The following CRYL1 variants were observed in gnomAD, a reference collection of about 807,000 sequenced individuals.
The protein encoded by CRYL1 is crystallin lambda 1, also known as lambda-crystallin homolog.
Under a neutral mutation model 36.6 loss-of-function variants are expected in CRYL1, and 29 were observed. The observed-to-expected ratio is 0.79, with a 90% CI of 0.59 to 1.08. The LOEUF (loss-of-function observed/expected upper bound fraction) is 1.08, where lower values mean the gene tolerates loss of function less well. CRYL1 is among the 50% of genes least tolerant of loss of function. The pLI, the probability that CRYL1 is intolerant of heterozygous loss-of-function variation, is 0.00. For synonymous variants in CRYL1, 152 were observed against 151.5 expected, an observed-to-expected ratio of 1.00 and a Z score of -0.02; for missense variants, 411 against 407.9, an observed-to-expected ratio of 1.01 and a Z score of -0.06.
rs1246505276 is a variant in CRYL1 at position 20,415,503 on chromosome 13, G to C, written c.634-2116C>G. On this transcript the variant is annotated intron_variant, in intron 5 of 7. Coordinates refer to ENST00000298248, the MANE Select transcript of CRYL1 (RefSeq NM_015974.3). This position sits in a 1 kb window ranked among gnomAD's most constrained non-coding sequence, Gnocchi z 4.1. Reference sequence around the variant, plus strand: ...AGCAGGCGGCCTGGCCCAGGAGCCAGGACGGCCACAGCCACGCCACCACCG... The same window carrying C: ...AGCAGGCGGCCTGGCCCAGGAGCCACGACGGCCACAGCCACGCCACCACCG... Among the ~76,000 whole-genome samples the C allele has an allele frequency of 1.3e-5, 2 of 152,216 alleles. No individual in the cohort carries two copies. Among genetic ancestry groups the C allele is most frequent in the Non-Finnish European group, 2.9e-5 (2 of 68,026 alleles).
intron 5 of CRYL1, chr13:20,431,150 G>C: frequency 1.0e-6 from 1 of 985,388 alleles, no homozygotes; most frequent in African/African-American, 1.7e-5. Context: ...TGCCTGGTTT[G>C]GAAGAACTGC....
At chr13:20,517,961 TGC>T (rs2034032504) in intron 1 of CRYL1, among the ~76,000 whole-genome samples, 1 of 120,864 alleles carries the variant, frequency 8.3e-6, no homozygotes, top group Non-Finnish European at 1.8e-5. Flanking sequence ...AAAAAAGCAA[TGC>T]TAGTGAGCAG....
At chr13:20,473,892 T>C (rs913924689) in intron 3 of CRYL1, among the ~76,000 whole-genome samples, 2 of 152,116 alleles carry the variant, frequency 1.3e-5, no homozygotes, top group East Asian at 3.8e-4. Flanking sequence ...GTGAATCGGG[T>C]ATAAGTAACA....
At chr13:20,426,817 G>T in intron 5 of CRYL1, 1 of 985,440 alleles carries the variant, frequency 1.0e-6, no homozygotes, top group Non-Finnish European at 1.2e-6. Flanking sequence ...GAATCTCAGG[G>T]CCCCATCCAG....
intron 3 of CRYL1, among the ~76,000 whole-genome samples, chr13:20,471,325 C>A (rs1243490400): frequency 6.6e-6 from 1 of 152,122 alleles, no homozygotes; most frequent in African/African-American, 2.4e-5. Flanking sequence ...GTAATCCCAG[C>A]ACTTTGGGAG....
intron 6 of CRYL1, among the ~76,000 whole-genome samples, chr13:20,408,187 A>T (rs2031425686): frequency 6.6e-6 from 1 of 152,148 alleles, no homozygotes; most frequent in African/African-American, 2.4e-5. Context: ...TGCCCAGGGT[A>T]GGGGAGGCAG....
At chr13:20,490,210 G>C (rs1480238273) in intron 2 of CRYL1, among the ~76,000 whole-genome samples, 1 of 152,172 alleles carries the variant, frequency 6.6e-6, no homozygotes, top group Non-Finnish European at 1.5e-5. Flanking sequence ...GGCCAGCATG[G>C]TGAAACCTCA....
rs192443204 is a variant in CRYL1 at position 20,487,579 on chromosome 13, A to C, written c.276+1791T>G. On this transcript the variant is annotated intron_variant, in intron 3 of 7. Coordinates refer to ENST00000298248, the MANE Select transcript of CRYL1 (RefSeq NM_015974.3). ...ATATTATAATAATAGATCACTTATTAATATTTCAATCACATTATATAACTA... is the reference window on the plus strand; with the variant it reads ...ATATTATAATAATAGATCACTTATTCATATTTCAATCACATTATATAACTA... Among the ~76,000 whole-genome samples, 39 of 152,352 alleles carry C rather than the reference A, an allele frequency of 2.6e-4. No homozygotes were observed. The East Asian group carries it at 6.7e-3, about 26-fold the overall frequency.
chr13:20,518,995 G>A (rs1368380899), intron 1 of CRYL1, among the ~76,000 whole-genome samples: 1 of 152,190 alleles, frequency 6.6e-6, no homozygotes, highest in Non-Finnish European at 1.5e-5. Context: ...TGTTTTCAGT[G>A]AGAAATGCTA....
chr13:20,420,694 A>C, intron 5 of CRYL1, among the ~76,000 whole-genome samples: 1 of 47,596 alleles, frequency 2.1e-5, no homozygotes, highest in Non-Finnish European at 5.0e-5. Flanking sequence ...TTTCTTTAAA[A>C]TAGAGGTTGT....
chr13:20,450,857 T>C (rs530584101), intron 3 of CRYL1, among the ~76,000 whole-genome samples: 90 of 152,128 alleles, frequency 5.9e-4, no homozygotes, highest in African/African-American at 2.1e-3. Context: ...GTGGCACATA[T>C]ACACCATGGA....
chr13:20,484,931 G>C (rs987564127), intron 3 of CRYL1, among the ~76,000 whole-genome samples: 7 of 152,124 alleles, frequency 4.6e-5, no homozygotes, highest in Non-Finnish European at 1.0e-4. Context: ...AAACATGTGG[G>C]GCAGCATTAG....
At chr13:20,414,134 C>A (rs1250619870) in intron 5 of CRYL1, among the ~76,000 whole-genome samples, 1 of 151,974 alleles carries the variant, frequency 6.6e-6, no homozygotes, top group Non-Finnish European at 1.5e-5. Context: ...GAGATCATGC[C>A]ACTGCACTCC....
At chr13:20,507,287 C>T (rs527834907) in intron 2 of CRYL1, among the ~76,000 whole-genome samples, 11 of 152,194 alleles carry the variant, frequency 7.2e-5, no homozygotes, top group African/African-American at 1.7e-4. Flanking sequence ...GAACAAAGTT[C>T]GATGTTAATC....
At position 20,439,540 on chromosome 13, in the gene CRYL1, A is replaced by G. The variant is rs2032307974; in HGVS notation, c.438+53T>C. On this transcript the variant is annotated intron_variant, in intron 4 of 7. Coordinates refer to ENST00000298248, the MANE Select transcript of CRYL1 (RefSeq NM_015974.3). ...AAAAAAAAAAAAAAAAGAAAAAAAA[A>G]AAACACAGAATGAGATGAGATACAA... 9 of 1,389,948 alleles carry G rather than the reference A, an allele frequency of 6.5e-6. No individual in the cohort carries two copies. The East Asian group carries it at 2.0e-4, about 30-fold the overall frequency. 86.1% of individuals were successfully genotyped at this position (1,389,948 alleles called of 1,614,324 possible).
At chr13:20,512,293 C>T in intron 2 of CRYL1, 150 bp downstream of exon 2, 1 of 586,324 alleles carries the variant, frequency 1.7e-6, no homozygotes, top group East Asian at 2.8e-5. Context: ...CACTGTAGGC[C>T]TGGCCTTTAC....
intron 5 of CRYL1, among the ~76,000 whole-genome samples, chr13:20,420,523 G>GA (rs60801537): frequency 0.7 from 101,164 of 144,248 alleles, 35,986 homozygotes; most frequent in Admixed American, 0.81. Context: ...GGATTTAAAA[G>GA]AAAAAAAAAA....
chr13:20,476,503 C>A (rs2033170177), intron 3 of CRYL1, among the ~76,000 whole-genome samples: 1 of 152,162 alleles, frequency 6.6e-6, no homozygotes, highest in African/African-American at 2.4e-5. Flanking sequence ...AACAGACTTA[C>A]TGGGCAACAA....
chr13:20,521,973 T>C (rs1007210242), intron 1 of CRYL1, among the ~76,000 whole-genome samples: 10 of 152,204 alleles, frequency 6.6e-5, no homozygotes, highest in African/African-American at 2.4e-4. Context: ...TCCTAGGGTT[T>C]GCTGTGTATG....
Sources: allele counts gnomAD v4.1 joint callset (sites outside exome capture counted in the v4.1 genomes callset), GRCh38; gene constraint gnomAD v4.1.1; non-coding constraint Gnocchi (gnomAD v3.1); transcripts MANE v1.5; gene names NCBI Gene and HGNC (gene_info 2026-07-23, HGNC 2026-07-21).